Variants in NRCAM observed in about 807,000 individuals in gnomAD.
The protein encoded by NRCAM is neuronal cell adhesion molecule.
A neutral mutation model predicts 156.5 loss-of-function variants in NRCAM; 83 were observed. The observed-to-expected ratio is 0.53, with a 90% CI of 0.44 to 0.64. The LOEUF is 0.64. NRCAM is among the 30% of genes least tolerant of loss of function. The pLI is 0.00. For synonymous variants in NRCAM, 538 were observed against 563.9 expected (o/e 0.95, Z 0.65); for missense variants, 1,417 against 1,597.3 (o/e 0.89, Z 1.92).
intron 1 of NRCAM, among the ~76,000 whole-genome samples, chr7:108,443,560 C>A (rs1425610165): frequency 6.6e-6 from 1 of 152,166 alleles, no homozygotes; most frequent in Non-Finnish European, 1.5e-5. Context: ...GAGTAAACAT[C>A]AGCAACTGTA....
intron 1 of NRCAM, among the ~76,000 whole-genome samples, chr7:108,409,700 G>A (rs144583915): frequency 1.1e-3 from 173 of 152,252 alleles, no homozygotes; most frequent in African/African-American, 3.8e-3. Flanking sequence ...TATGTAACCT[G>A]TAATAGACCC....
chr7:108,218,090 C>T (rs915903405), intron 11 of NRCAM, among the ~76,000 whole-genome samples: 4 of 151,868 alleles, frequency 2.6e-5, no homozygotes, highest in African/African-American at 9.7e-5. Flanking sequence ...ATTGCAAAGA[C>T]CATGGGCAAA....
intron 1 of NRCAM, among the ~76,000 whole-genome samples, chr7:108,438,648 A>G (rs1450216452): frequency 1.3e-5 from 2 of 152,202 alleles, no homozygotes; most frequent in Non-Finnish European, 2.9e-5. Flanking sequence ...GCTTCTAGTT[A>G]GTACAATAAG....
intron 2 of NRCAM, among the ~76,000 whole-genome samples, chr7:108,347,003 A>G (rs949599452): frequency 6.7e-6 from 1 of 148,612 alleles, no homozygotes; most frequent in Non-Finnish European, 1.5e-5. Context: ...AAAATTTAAA[A>G]TTACATATGT....
chr7:108,368,700 G>A (rs554744228), intron 2 of NRCAM, among the ~76,000 whole-genome samples: 1 of 152,234 alleles, frequency 6.6e-6, no homozygotes, highest in Non-Finnish European at 1.5e-5. Flanking sequence ...TAACAAACAT[G>A]CTGTAGAACA....
rs116705734 is a variant in NRCAM, at chr7:108,424,189, G to A, written c.-331-24596C>T. Reference sequence around the variant, plus strand: ...AATGTAGCCCAGTGCTGACTGACCAGTTAGAGCTTATCAGGTTTCCTACCA... The same window carrying A: ...AATGTAGCCCAGTGCTGACTGACCAATTAGAGCTTATCAGGTTTCCTACCA... On this transcript the variant is annotated intron_variant, in intron 1 of 32. Transcript: ENST00000379028. Among the ~76,000 whole-genome samples, 127 of 152,348 alleles carry A rather than the reference G, an allele frequency of 8.3e-4. 2 individuals are homozygous for A. The highest frequency in any genetic ancestry group is 3.0e-3 in the African/African-American group (123 of 41,574).
At chr7:108,405,014 GCTATGA>G (rs1188342207) in intron 1 of NRCAM, among the ~76,000 whole-genome samples, 1 of 152,194 alleles carries the variant, frequency 6.6e-6, no homozygotes, top group Non-Finnish European at 1.5e-5. Context: ...CGTCCCCTCC[GCTATGA>G]CTATGGATGT....
intron 32 of NRCAM, among the ~76,000 whole-genome samples, chr7:108,152,748 A>C (rs940013310): frequency 6.6e-6 from 1 of 152,174 alleles, no homozygotes; most frequent in Admixed American, 6.6e-5. Context: ...CGGCCTGTAA[A>C]GTCTAAAATA....
At chr7:108,157,906 A>T (rs2046531597) in intron 32 of NRCAM, among the ~76,000 whole-genome samples, 1 of 152,100 alleles carries the variant, frequency 6.6e-6, no homozygotes, top group Non-Finnish European at 1.5e-5. Context: ...ATTTTTTTTC[A>T]GGGCCACATT....
chr7:108,201,354 C>T (rs1025895044), intron 13 of NRCAM, among the ~76,000 whole-genome samples: 2 of 151,892 alleles, frequency 1.3e-5, no homozygotes, highest in East Asian at 1.9e-4. Context: ...GTGATGAATC[C>T]CAGGCAGAGC....
chr7:108,187,578 C>T (rs537166846), intron 20 of NRCAM, among the ~76,000 whole-genome samples: 7 of 152,178 alleles, frequency 4.6e-5, no homozygotes, highest in Non-Finnish European at 1.0e-4. Flanking sequence ...GCCCTAAACA[C>T]ATATAAACAC....
At chr7:108,219,763 T>A (rs2091422885) in intron 11 of NRCAM, among the ~76,000 whole-genome samples, 2 of 152,136 alleles carry the variant, frequency 1.3e-5, no homozygotes, top group African/African-American at 4.8e-5. Flanking sequence ...GGGGAAAAGT[T>A]GAAAGCATTC....
intron 1 of NRCAM, among the ~76,000 whole-genome samples, chr7:108,410,180 A>C (rs1793620903): frequency 6.6e-6 from 1 of 152,262 alleles, no homozygotes; most frequent in Non-Finnish European, 1.5e-5. Flanking sequence ...AAACTTCATT[A>C]AAGTACAGAT....
At chr7:108,408,776 C>T (rs1386312720) in intron 1 of NRCAM, among the ~76,000 whole-genome samples, 2 of 152,176 alleles carry the variant, frequency 1.3e-5, no homozygotes, top group Non-Finnish European at 2.9e-5. Context: ...GGGTTTCATT[C>T]CTCACCAAGC....
intron 1 of NRCAM, among the ~76,000 whole-genome samples, chr7:108,448,321 C>T (rs1332995262): frequency 6.6e-6 from 1 of 152,118 alleles, no homozygotes; most frequent in Non-Finnish European, 1.5e-5. Flanking sequence ...CAAATATTGC[C>T]ATGTCAATGT....
intron 30 of NRCAM, among the ~76,000 whole-genome samples, chr7:108,162,208 T>C (rs912704599): frequency 6.6e-6 from 1 of 152,354 alleles, no homozygotes; most frequent in Middle Eastern, 3.4e-3. Context: ...TATATTATAC[T>C]GCTGTAATGC....
At chr7:108,325,607 T>C (rs1296269995) in intron 2 of NRCAM, among the ~76,000 whole-genome samples, 1 of 152,046 alleles carries the variant, frequency 6.6e-6, no homozygotes, top group Non-Finnish European at 1.5e-5. Context: ...CCACCTCCAT[T>C]CTCTGCTTTA....
At chr7:108,449,504 A>G (rs900172063) in intron 1 of NRCAM, among the ~76,000 whole-genome samples, 3 of 152,218 alleles carry the variant, frequency 2.0e-5, no homozygotes, top group African/African-American at 7.2e-5. Context: ...TTTGGAAGGC[A>G]GCAGCGGACT....
intron 3 of NRCAM, among the ~76,000 whole-genome samples, chr7:108,291,507 C>A (rs903291264): frequency 6.6e-6 from 1 of 152,160 alleles, no homozygotes; most frequent in East Asian, 1.9e-4. Flanking sequence ...ATGTGTCTTT[C>A]TTGACAGGTA....
Sources: gnomAD v4.1 joint callset for allele counts (sites outside exome capture counted in the v4.1 genomes callset) on GRCh38, gnomAD v4.1.1 for gene constraint, MANE v1.5 for transcripts, NCBI Gene and HGNC (gene_info 2026-07-23, HGNC 2026-07-21) for gene names.